The following FBXL17 variants were observed in gnomAD, a reference collection of about 807,000 sequenced individuals.
FBXL17 encodes the protein F-box and leucine rich repeat protein 17, also known as F-box/LRR-repeat protein 17.
In FBXL17, 22 loss-of-function variants were observed where a neutral mutation model predicts 66.2. That is an observed-to-expected ratio of 0.33 (90% confidence interval 0.24 to 0.47). FBXL17 has a LOEUF of 0.47. FBXL17 is among the 20% of genes least tolerant of loss of function. The pLI is 1.00. For synonymous variants in FBXL17, 474 were observed against 400.5 expected (o/e 1.18, Z -2.19); for missense variants, 878 against 948.2 (o/e 0.93, Z 0.97).
intron 6 of FBXL17, among the ~76,000 whole-genome samples, chr5:108,138,903 T>C (rs953349919): frequency 1.3e-5 from 2 of 152,172 alleles, no homozygotes; most frequent in African/African-American, 4.8e-5. Context: ...GTGACAAATT[T>C]TACGGAGAGA....
intron 4 of FBXL17, among the ~76,000 whole-genome samples, chr5:108,285,219 C>G (rs1365571586): frequency 6.6e-6 from 1 of 151,870 alleles, no homozygotes; most frequent in East Asian, 1.9e-4. Flanking sequence ...TCTACAGTTA[C>G]TTCCTCCACT....
chr5:108,202,849 T>A (rs758445345), intron 5 of FBXL17, among the ~76,000 whole-genome samples: 10 of 152,196 alleles, frequency 6.6e-5, no homozygotes, highest in Non-Finnish European at 1.3e-4. Context: ...ATCTACTGGA[T>A]CCCCTTATTC....
intron 6 of FBXL17, among the ~76,000 whole-genome samples, chr5:108,174,329 TA>T (rs1370539553): frequency 6.6e-6 from 1 of 152,074 alleles, no homozygotes; most frequent in Non-Finnish European, 1.5e-5. Context: ...TTAACACTTT[TA>T]AAAAATAGTG....
chr5:108,369,421 G>A (rs751959576), intron 1 of FBXL17, among the ~76,000 whole-genome samples: 31 of 152,220 alleles, frequency 2.0e-4, no homozygotes, highest in Middle Eastern at 6.8e-3. Flanking sequence ...AGGATCTCCT[G>A]AGGGCTGTGT....
intron 4 of FBXL17, among the ~76,000 whole-genome samples, chr5:108,254,196 G>C (rs1756477994): frequency 6.6e-6 from 1 of 152,112 alleles, no homozygotes; most frequent in Non-Finnish European, 1.5e-5. Flanking sequence ...TGGTAAATGA[G>C]ATAATTATGC....
chr5:108,199,622 TAAGA>T (rs1247767849), intron 5 of FBXL17, among the ~76,000 whole-genome samples: 1 of 152,176 alleles, frequency 6.6e-6, no homozygotes, highest in African/African-American at 2.4e-5. Flanking sequence ...AGTGGTAGTC[TAAGA>T]AAGAGTCAGG....
chr5:108,134,416 C>T lies in FBXL17; in HGVS notation c.1745+51701G>A, dbSNP rs539355677. 3.3e-5 allele frequency among the ~76,000 whole-genome samples: 5 copies of T among 152,070 alleles called. No homozygotes were observed. The East Asian group carries it at 5.8e-4, about 18-fold the overall frequency. ...TTTAATACATGAGGTTTTCTTAAAC[C>T]GGGGACATAGTTGTATTTCTAACCA... On this transcript the variant is annotated intron_variant, in intron 6 of 8. Coordinates refer to ENST00000542267, the MANE Select transcript of FBXL17 (RefSeq NM_001163315.3).
intron 6 of FBXL17, among the ~76,000 whole-genome samples, chr5:108,072,999 T>C (rs916993592): frequency 2.6e-5 from 4 of 152,190 alleles, no homozygotes; most frequent in Admixed American, 2.6e-4. Flanking sequence ...GATAGCCTTT[T>C]AAAATTTACA....
chr5:108,052,112 C>CAAAAAAAAAAAA (rs144705189), intron 6 of FBXL17, among the ~76,000 whole-genome samples: 3 of 102,186 alleles, frequency 2.9e-5, no homozygotes, highest in African/African-American at 3.7e-5. Context: ...GACTTCGTCT[C>CAAAAAAAAAAAA]AAAAAAAAAA....
rs568916968 is a variant in FBXL17, at chr5:108,096,274, T to C, written c.1746-75273A>G. Among the ~76,000 whole-genome samples, 16 of 152,352 alleles carry C rather than the reference T, an allele frequency of 1.1e-4. No homozygotes were observed. In the South Asian group the frequency reaches 2.7e-3, roughly 26 times the overall value. On this transcript the variant is annotated intron_variant, in intron 6 of 8. Transcript: ENST00000542267. ...AGCTCAGTAAGAAGCCATTAATTCA[T>C]TATCAATAACATTGATCCTGTGCAA...
intron 6 of FBXL17, among the ~76,000 whole-genome samples, chr5:108,173,776 T>C (rs1046807901): frequency 2.0e-5 from 3 of 152,206 alleles, no homozygotes; most frequent in Non-Finnish European, 4.4e-5. Context: ...CCTCCAATAA[T>C]GGTATTTCTA....
intron 4 of FBXL17, among the ~76,000 whole-genome samples, chr5:108,275,394 A>T (rs1757443278): frequency 6.6e-6 from 1 of 152,182 alleles, no homozygotes; most frequent in Non-Finnish European, 1.5e-5. Flanking sequence ...AAATGCCACA[A>T]TTGTCACCTT....
intron 3 of FBXL17, among the ~76,000 whole-genome samples, chr5:108,357,155 G>C (rs889023539): frequency 1.8e-4 from 27 of 151,932 alleles, no homozygotes; most frequent in Admixed American, 4.6e-4. Context: ...TGTTTAAGAA[G>C]AATTACAATT....
chr5:108,221,515 T>A (rs1157268582), intron 5 of FBXL17, among the ~76,000 whole-genome samples: 1 of 152,174 alleles, frequency 6.6e-6, no homozygotes, highest in Non-Finnish European at 1.5e-5. Context: ...TTTTATGCTC[T>A]TTGCCTCTCT....
chr5:107,910,843 T>C (rs1463874522), intron 7 of FBXL17, among the ~76,000 whole-genome samples: 1 of 151,964 alleles, frequency 6.6e-6, no homozygotes, highest in Non-Finnish European at 1.5e-5. Flanking sequence ...CCTAACAAAA[T>C]ATGAAATAGC....
chr5:107,940,048 T>C (rs1223060926), intron 7 of FBXL17, among the ~76,000 whole-genome samples: 1 of 152,170 alleles, frequency 6.6e-6, no homozygotes, highest in South Asian at 2.1e-4. Context: ...GCATCTCATT[T>C]CAGTCTCACA....
chr5:108,264,095 G>A (rs1055146236), intron 4 of FBXL17, among the ~76,000 whole-genome samples: 1 of 151,386 alleles, frequency 6.6e-6, no homozygotes, highest in Non-Finnish European at 1.5e-5. Flanking sequence ...CACAACTGTA[G>A]TCCTAGCTAC....
At chr5:107,894,401 T>G (rs1249405824) in intron 7 of FBXL17, among the ~76,000 whole-genome samples, 1 of 152,174 alleles carries the variant, frequency 6.6e-6, no homozygotes, top group Admixed American at 6.6e-5. Flanking sequence ...ACTGCAAGTT[T>G]TAAAGTGAGG....
At position 108,303,234 on chromosome 5, in the gene FBXL17, G is replaced by C. The variant is rs371187808; in HGVS notation, c.1506+45165C>G. 2.0e-5 allele frequency among the ~76,000 whole-genome samples: 3 copies of C among 151,720 alleles called. No individual in the cohort carries two copies. In the South Asian group the frequency reaches 6.2e-4, roughly 31 times the overall value. On this transcript the variant is annotated intron_variant, in intron 4 of 8. Coordinates refer to ENST00000542267, the MANE Select transcript of FBXL17 (RefSeq NM_001163315.3). ...TGTATAGTAAACCACAATGTATGAC[G>C]AAAAACAGGCTGTAAAATGCATATA...
Sources: gnomAD v4.1 joint callset for allele counts (sites outside exome capture counted in the v4.1 genomes callset) on GRCh38, gnomAD v4.1.1 for gene constraint, MANE v1.5 for transcripts, NCBI Gene and HGNC (gene_info 2026-07-23, HGNC 2026-07-21) for gene names.